Variants in PIBF1 observed in about 807,000 individuals in gnomAD.
PIBF1 encodes progesterone-induced-blocking factor 1.
Under a neutral mutation model 112.5 loss-of-function variants are expected in PIBF1, and 90 were observed. The observed-to-expected ratio is 0.80, with a 90% CI of 0.67 to 0.95. The LOEUF (loss-of-function observed/expected upper bound fraction) is 0.95. Among genes scored for constraint, PIBF1 ranks in the 40% least tolerant of loss-of-function variants. PIBF1 has a pLI of 0.00. For synonymous variants in PIBF1, 301 were observed against 288.6 expected, an observed-to-expected ratio of 1.04 and a Z score of -0.44; for missense variants, 915 against 852.3, an observed-to-expected ratio of 1.07 and a Z score of -0.92.
chr13:72,929,860 A>G (rs1341491236), intron 13 of PIBF1, among the ~76,000 whole-genome samples: 1 of 151,828 alleles, frequency 6.6e-6, no homozygotes, highest in Non-Finnish European at 1.5e-5. Context: ...AACACTATTT[A>G]TTATTATTAT....
intron 9 of PIBF1, among the ~76,000 whole-genome samples, chr13:72,840,359 T>G (rs1283119438): frequency 6.6e-6 from 1 of 151,964 alleles, no homozygotes; most frequent in Non-Finnish European, 1.5e-5. Flanking sequence ...CATTTAAGGT[T>G]GTGTGTGTGT....
rs754401827 is a variant in PIBF1 at position 72,835,219 on chromosome 13, G to A, written c.1098-24G>A. Reference sequence around the variant, plus strand: ...TATTTGTTTCAAAAGAAAATTTATGGTTGTTCCTTTTCACTCCTTGCAGAG... The same window carrying A: ...TATTTGTTTCAAAAGAAAATTTATGATTGTTCCTTTTCACTCCTTGCAGAG... On this transcript the variant is annotated intron_variant, in intron 8 of 17. Coordinates refer to ENST00000326291, the MANE Select transcript of PIBF1 (RefSeq NM_006346.4). The A allele has an allele frequency of 5.3e-6, 8 of 1,511,040 alleles. No individual in the cohort carries two copies. In the South Asian group the frequency reaches 9.4e-5, roughly 18 times the overall value. The allele number at this position is 1,511,040 out of a possible 1,614,324, so 93.6% of individuals were successfully genotyped here.
Position 72,912,165 on chromosome 13 carries a change from G to T in PIBF1, c.1639+3484G>T, listed in dbSNP as rs1466729417. ...CTTCACACAGAACCAGCCCTACAAA[G>T]CATTGACTTCAGGTCAGTGAGGCTG... is the stretch of plus-strand genomic sequence containing the variant. On this transcript the variant is annotated intron_variant, in intron 12 of 17. Coordinates refer to ENST00000326291, the MANE Select transcript of PIBF1 (RefSeq NM_006346.4). Among the ~76,000 whole-genome samples the T allele has an allele frequency of 5.3e-5, 8 of 152,146 alleles. No individual in the cohort carries two copies. The East Asian group carries it at 1.5e-3, about 29-fold the overall frequency.
intron 10 of PIBF1, among the ~76,000 whole-genome samples, chr13:72,864,741 G>A (rs892427881): frequency 6.6e-6 from 1 of 152,100 alleles, no homozygotes; most frequent in Non-Finnish European, 1.5e-5. Flanking sequence ...TATTTTCCAC[G>A]ATTATTTTAA....
chr13:72,861,883 T>G (rs1282906556), intron 10 of PIBF1, among the ~76,000 whole-genome samples: 1 of 152,152 alleles, frequency 6.6e-6, no homozygotes, highest in East Asian at 1.9e-4. Flanking sequence ...AGAGAAACTA[T>G]ATATGAAAAT....
At chr13:72,960,873 T>G (rs74853146) in intron 14 of PIBF1, among the ~76,000 whole-genome samples, 18,157 of 152,162 alleles carry the variant, frequency 0.12, 1,448 homozygotes, top group Non-Finnish European at 0.17. Flanking sequence ...CATTGTAATA[T>G]ATTTTAAAGA....
intron 10 of PIBF1, among the ~76,000 whole-genome samples, chr13:72,868,203 A>T (rs897537837): frequency 1.3e-5 from 2 of 151,642 alleles, no homozygotes; most frequent in South Asian, 4.2e-4. Flanking sequence ...CAGGAGGCTG[A>T]GGTTGAAGGA....
intron 9 of PIBF1, among the ~76,000 whole-genome samples, chr13:72,837,993 C>A (rs117175092): frequency 0.011 from 1,706 of 152,254 alleles, 16 homozygotes; most frequent in Non-Finnish European, 0.017. Context: ...CCCAGCCCTA[C>A]ATTAGAAAGG....
rs187338937 is a variant in PIBF1 at position 72,815,106 on chromosome 13, A to T, written c.673-6743A>T. ...TATACTATACCCACTATTGAAAAAG[A>T]AAGTTCTGAGAAAGAGACTACAAAA... is the stretch of plus-strand genomic sequence containing the variant. On this transcript the variant is annotated intron_variant, in intron 5 of 17. Coordinates refer to ENST00000326291, the MANE Select transcript of PIBF1 (RefSeq NM_006346.4). 3.7e-3 allele frequency among the ~76,000 whole-genome samples: 561 copies of T among 152,364 alleles called. 3 individuals carry two copies. Among genetic ancestry groups the T allele is most frequent in the African/African-American group, 0.012 (517 of 41,590 alleles).
intron 17 of PIBF1, among the ~76,000 whole-genome samples, chr13:73,006,432 G>A (rs1391621183): frequency 6.6e-6 from 1 of 152,202 alleles, no homozygotes; most frequent in Non-Finnish European, 1.5e-5. Context: ...GAACGAAGCT[G>A]ACTGATCTCA....
At chr13:72,826,932 C>A in intron 6 of PIBF1, 78 bp from the exon 7 acceptor site, 1 of 717,598 alleles carries the variant, frequency 1.4e-6, no homozygotes, top group Admixed American at 2.9e-5. Flanking sequence ...CGTCCTAATA[C>A]ATAGTCAACC....
At chr13:72,854,911 A>G (rs529783948) in intron 10 of PIBF1, among the ~76,000 whole-genome samples, 115 of 152,256 alleles carry the variant, frequency 7.6e-4, no homozygotes, top group Admixed American at 7.1e-3. Flanking sequence ...CCAATAGAAA[A>G]TGATATTTAT....
intron 5 of PIBF1, among the ~76,000 whole-genome samples, chr13:72,812,311 A>G (rs774368180): frequency 1.3e-5 from 2 of 152,166 alleles, no homozygotes; most frequent in Non-Finnish European, 2.9e-5. Context: ...TCAGAAATTA[A>G]CAGATGCATA....
At chr13:72,923,431 T>A (rs2041367201) in intron 13 of PIBF1, among the ~76,000 whole-genome samples, 1 of 152,268 alleles carries the variant, frequency 6.6e-6, no homozygotes, top group Non-Finnish European at 1.5e-5. Context: ...TATTTAGGTG[T>A]ACAACCAATA....
chr13:72,784,806 A>T (rs1326272259), intron 2 of PIBF1, among the ~76,000 whole-genome samples: 1 of 152,150 alleles, frequency 6.6e-6, no homozygotes, highest in Admixed American at 6.5e-5. Flanking sequence ...AGTGATTTAA[A>T]CGTAGATATG....
chr13:72,817,999 T>C (rs1000321765), intron 5 of PIBF1, among the ~76,000 whole-genome samples: 2 of 152,168 alleles, frequency 1.3e-5, no homozygotes, highest in African/African-American at 4.8e-5. Context: ...ATTCTTATAC[T>C]GCACTTAGAC....
chr13:72,823,361 A>G (rs1447989422), intron 6 of PIBF1, among the ~76,000 whole-genome samples: 4 of 152,174 alleles, frequency 2.6e-5, no homozygotes, highest in Non-Finnish European at 5.9e-5. Context: ...ATTTTTACAT[A>G]TGTTTTCATT....
At chr13:72,964,603 G>T (rs1291307111) in intron 14 of PIBF1, among the ~76,000 whole-genome samples, 1 of 152,100 alleles carries the variant, frequency 6.6e-6, no homozygotes, top group Non-Finnish European at 1.5e-5. Context: ...GAATTATGGT[G>T]TGAATATTTT....
At chr13:72,890,605 T>G (rs1213584573) in intron 10 of PIBF1, among the ~76,000 whole-genome samples, 1 of 152,032 alleles carries the variant, frequency 6.6e-6, no homozygotes, top group Admixed American at 6.6e-5. Flanking sequence ...CTGTGGAAAA[T>G]TTTACCTCTT....
Sources: allele counts gnomAD v4.1 joint callset (sites outside exome capture counted in the v4.1 genomes callset), GRCh38; gene constraint gnomAD v4.1.1; transcripts MANE v1.5; gene names NCBI Gene and HGNC (gene_info 2026-07-23, HGNC 2026-07-21).